Variants in PCDHGB2 observed in about 807,000 individuals in gnomAD.
The protein encoded by PCDHGB2 is protocadherin gamma subfamily B, 2.
A neutral mutation model predicts 59.3 loss-of-function variants in PCDHGB2; 55 were observed. The observed-to-expected ratio is 0.93, with a 90% CI of 0.75 to 1.16. PCDHGB2 has a LOEUF of 1.16. Among genes scored for constraint, PCDHGB2 ranks in the 50% most tolerant of loss-of-function variants. The pLI is 0.00. For synonymous variants in PCDHGB2, 516 were observed against 512.0 expected, an observed-to-expected ratio of 1.01 and a Z score of -0.11; for missense variants, 1,228 against 1,198.5, an observed-to-expected ratio of 1.02 and a Z score of -0.36.
intron 1 of PCDHGB2, among the ~76,000 whole-genome samples, chr5:141,437,990 C>G (rs1298325497): frequency 1.3e-5 from 2 of 152,148 alleles, no homozygotes; most frequent in Non-Finnish European, 2.9e-5. Flanking sequence ...CCCACCCCAC[C>G]TCAGCCTCCC....
At chr5:141,422,782 C>CG in intron 1 of PCDHGB2, 1 of 1,614,090 alleles carries the variant, frequency 6.2e-7, no homozygotes, top group South Asian at 1.1e-5. Context: ...CTATGCCCTA[C>CG]AATCCTTCGA....
chr5:141,370,835 C>G, intron 1 of PCDHGB2: 1 of 1,613,964 alleles, frequency 6.2e-7, no homozygotes, highest in East Asian at 2.2e-5. Flanking sequence ...AACTGGCTCT[C>G]ACTGGAGCCA....
chr5:141,371,979 G>T (rs1216406946), intron 1 of PCDHGB2: 1 of 1,613,118 alleles, frequency 6.2e-7, no homozygotes, highest in Non-Finnish European at 8.5e-7. Flanking sequence ...GCGTGCCTTC[G>T]AGCTCACTCT....
At chr5:141,374,758 C>T in intron 1 of PCDHGB2, 1 of 1,613,200 alleles carries the variant, frequency 6.2e-7, no homozygotes, top group South Asian at 1.1e-5. Context: ...GCTCAAGCGT[C>T]GCCCAAATTC....
In PCDHGB2 at chr5:141,371,266, T is replaced by C; in HGVS notation, c.2421+8710T>C. ...AATATTGGCAAGGAAGTGAGACAACTGTTCAAGCTGGACAGTAAAACGGGG... is the reference window on the plus strand; with the variant it reads ...AATATTGGCAAGGAAGTGAGACAACCGTTCAAGCTGGACAGTAAAACGGGG... On this transcript the variant is annotated intron_variant, in intron 1 of 3. Transcript: ENST00000522605. 6.2e-7 allele frequency: 1 copy of C among 1,614,030 alleles called. No individual in the cohort carries two copies. Among genetic ancestry groups the C allele is most frequent in the East Asian group, 2.2e-5 (1 of 44,884 alleles).
Position 141,431,677 on chromosome 5 carries a change from G to T in PCDHGB2, c.2422-63130G>T. The T allele has an allele frequency of 1.2e-6, 2 of 1,614,236 alleles. No homozygotes were observed. Among genetic ancestry groups the T allele is most frequent in the Non-Finnish European group, 1.7e-6 (2 of 1,180,050 alleles). ...CAGGGACAATATCAACAATAGGGGAGTTGGACCACGAGGAGTCAGGATTCT... is the reference window on the plus strand; with the variant it reads ...CAGGGACAATATCAACAATAGGGGATTTGGACCACGAGGAGTCAGGATTCT... On this transcript the variant is annotated intron_variant, in intron 1 of 3. Coordinates refer to ENST00000522605, the MANE Select transcript of PCDHGB2 (RefSeq NM_018923.3). The surrounding 1 kb of genome is among the most constrained non-coding windows in gnomAD (Gnocchi z 4.8).
rs1475572413 is a variant in PCDHGB2, at chr5:141,432,843, T to G, written c.2422-61964T>G. The G allele has an allele frequency of 6.2e-7, 1 of 1,614,066 alleles. No homozygotes were observed. The highest frequency in any genetic ancestry group is 8.5e-7 in the Non-Finnish European group (1 of 1,180,020). ...TCAGACCTCACTCTGTACCTGGTGGTAGCGGTGGCCGCGGTCTCCTGCGTC... is the reference window on the plus strand; with the variant it reads ...TCAGACCTCACTCTGTACCTGGTGGGAGCGGTGGCCGCGGTCTCCTGCGTC... On this transcript the variant is annotated intron_variant, in intron 1 of 3. Coordinates refer to ENST00000522605, the MANE Select transcript of PCDHGB2 (RefSeq NM_018923.3). This position sits in a 1 kb window ranked among gnomAD's most constrained non-coding sequence, Gnocchi z 6.0.
At chr5:141,496,760 G>A (rs144857340) in intron 2 of PCDHGB2, among the ~76,000 whole-genome samples, 4 of 152,108 alleles carry the variant, frequency 2.6e-5, no homozygotes, top group East Asian at 1.9e-4. Context: ...AATATTTATC[G>A]AGCATCTACT....
chr5:141,370,617 T>C lies in PCDHGB2; in HGVS notation c.2421+8061T>C, dbSNP rs1767063471. 3 of 1,613,958 alleles carry C rather than the reference T, an allele frequency of 1.9e-6. No individual in the cohort carries two copies. The South Asian group carries it at 3.3e-5, about 18-fold the overall frequency. ...GCGGGTTATTGCAGAGAAGAAATTCTTTACCGTGAGCCCCGAAAATGGGAA... is the reference window on the plus strand; with the variant it reads ...GCGGGTTATTGCAGAGAAGAAATTCCTTACCGTGAGCCCCGAAAATGGGAA... On this transcript the variant is annotated intron_variant, in intron 1 of 3. Coordinates refer to ENST00000522605, the MANE Select transcript of PCDHGB2 (RefSeq NM_018923.3).
At chr5:141,385,619 T>C (rs1478717188) in intron 1 of PCDHGB2, 1 of 1,064,028 alleles carries the variant, frequency 9.4e-7, no homozygotes, top group Non-Finnish European at 1.2e-6. Flanking sequence ...ATTTTATACA[T>C]TGGAATGAAT....
chr5:141,363,373 G>GT (rs1231434540), intron 1 of PCDHGB2, among the ~76,000 whole-genome samples: 4 of 151,738 alleles, frequency 2.6e-5, no homozygotes, highest in Non-Finnish European at 5.9e-5. Flanking sequence ...CAATCAAGAG[G>GT]TTTTTCTATT....
At chr5:141,370,501 C>G in intron 1 of PCDHGB2, 1 of 1,613,952 alleles carries the variant, frequency 6.2e-7, no homozygotes, top group South Asian at 1.1e-5. Flanking sequence ...ATCCGCTACG[C>G]TATTCCCGAG....
intron 1 of PCDHGB2, chr5:141,370,260 C>T (rs2149959480): frequency 1.4e-6 from 1 of 735,774 alleles, no homozygotes; most frequent in Non-Finnish European, 2.1e-6. Context: ...TATCAGGCTT[C>T]CTGCAGCGGA....
rs909255357 is a variant in PCDHGB2 at position 141,489,178 on chromosome 5, C to A, written c.2422-5629C>A. 5 of 1,234,744 alleles carry A rather than the reference C, an allele frequency of 4.0e-6. No individual in the cohort carries two copies. The highest frequency in any genetic ancestry group is 2.3e-5 in the Admixed American group (1 of 42,922). The allele number at this position is 1,234,744 out of a possible 1,614,324, so 76.5% of individuals were successfully genotyped here. Reference sequence around the variant, plus strand: ...GAGACTTCAGCTGCTGCATTCCAAGCCCTGGGTCTACCTTGGAGACAGGAC... The same window carrying A: ...GAGACTTCAGCTGCTGCATTCCAAGACCTGGGTCTACCTTGGAGACAGGAC... On this transcript the variant is annotated intron_variant, in intron 1 of 3. Transcript: ENST00000522605. This position sits in a 1 kb window ranked among gnomAD's most constrained non-coding sequence, Gnocchi z 4.5.
At chr5:141,510,124 A>G (rs2099879540) in intron 3 of PCDHGB2, among the ~76,000 whole-genome samples, 1 of 152,156 alleles carries the variant, frequency 6.6e-6, no homozygotes, top group Admixed American at 6.5e-5. Context: ...AAATACAAAA[A>G]TTAGCTGGGC....
At chr5:141,427,952 T>C (rs1311471634) in intron 1 of PCDHGB2, 38 of 1,587,018 alleles carry the variant, frequency 2.4e-5, no homozygotes, top group Non-Finnish European at 2.8e-5. Flanking sequence ...TCAATGACAA[T>C]GTGCCGCGGG....
At chr5:141,421,489 G>A in intron 1 of PCDHGB2, 1 of 1,614,094 alleles carries the variant, frequency 6.2e-7, no homozygotes, top group Non-Finnish European at 8.5e-7. Flanking sequence ...CTTGATCACG[G>A]CAGGCAGGAT....
At chr5:141,459,108 A>G (rs1240280274) in intron 1 of PCDHGB2, among the ~76,000 whole-genome samples, 1 of 152,216 alleles carries the variant, frequency 6.6e-6, no homozygotes, top group Non-Finnish European at 1.5e-5. Flanking sequence ...ATGCATTTTG[A>G]CAATTGTTTA....
chr5:141,375,736 T>C (rs1771819108), intron 1 of PCDHGB2: 2 of 1,614,242 alleles, frequency 1.2e-6, no homozygotes, highest in East Asian at 2.2e-5. Flanking sequence ...TGAGCCTGTT[T>C]GTGCTGGACC....
Sources: allele counts gnomAD v4.1 joint callset (sites outside exome capture counted in the v4.1 genomes callset), GRCh38; gene constraint gnomAD v4.1.1; non-coding constraint Gnocchi (gnomAD v3.1); transcripts MANE v1.5; gene names NCBI Gene and HGNC (gene_info 2026-07-23, HGNC 2026-07-21).